The following RELN variants were observed in gnomAD, a reference collection of about 807,000 sequenced individuals.
RELN encodes the protein reelin.
RELN carries 108 observed loss-of-function variants against 427.6 expected under a neutral mutation model. That is an observed-to-expected ratio of 0.25 (90% CI 0.22 to 0.30). The LOEUF (loss-of-function observed/expected upper bound fraction) is 0.30. RELN is among the 10% of genes least tolerant of loss of function. The pLI is 1.00. For missense variants in RELN, 3,715 were observed against 4,302.8 expected, an observed-to-expected ratio of 0.86 and a Z score of 3.82; for synonymous variants, 1,524 against 1,513.4, an observed-to-expected ratio of 1.01 and a Z score of -0.16.
intron 11 of RELN, among the ~76,000 whole-genome samples, chr7:103,664,987 G>A (rs1197776573): frequency 1.3e-5 from 2 of 151,862 alleles, no homozygotes; most frequent in Non-Finnish European, 2.9e-5. Context: ...TCTATGCTTT[G>A]TGCCTTTTTT....
In RELN at chr7:103,654,337, G is replaced by A. The variant is rs187155445; in HGVS notation, c.1442-132C>T. 1.6e-4 allele frequency: 109 copies of A among 661,364 alleles called. No individual in the cohort carries two copies. The African/African-American group carries it at 1.7e-3, about 10-fold the overall frequency. 41.0% of individuals were successfully genotyped at this position (661,364 alleles called of 1,614,324 possible). A position where few individuals can be genotyped will look rare whatever the true frequency, so the allele number is the denominator to read the frequency against. ...CACTTAAGAATAACCCTAAACAAAG[G>A]TAAACAGACTCAAGGAAATAATTTA... On this transcript the variant is annotated intron_variant, in intron 12 of 64. Coordinates refer to ENST00000428762, the MANE Select transcript of RELN (RefSeq NM_005045.4).
chr7:103,845,271 A>G (rs62482261), intron 2 of RELN, among the ~76,000 whole-genome samples: 21,298 of 152,026 alleles, frequency 0.14, 1,821 homozygotes, highest in South Asian at 0.33. Context: ...GCTCACTGCA[A>G]CCTCTGCTTC....
Position 103,661,974 on chromosome 7 carries a change from A to T in RELN, c.1290-447T>A, listed in dbSNP as rs1833153748. Among the ~76,000 whole-genome samples the T allele has an allele frequency of 3.3e-5, 5 of 152,324 alleles. 1 individual carries two copies. The South Asian group carries it at 1.0e-3, about 32-fold the overall frequency. On this transcript the variant is annotated intron_variant, in intron 11 of 64. Transcript: ENST00000428762. ...AAATGAAAAGTCATAAGAATTGGCA[A>T]AAGTCTAGCAAGTTTTCAAAAAGGA...
chr7:103,827,802 A>G (rs1361877107), intron 3 of RELN, among the ~76,000 whole-genome samples: 1 of 151,998 alleles, frequency 6.6e-6, no homozygotes, highest in Non-Finnish European at 1.5e-5. Flanking sequence ...ACAGAAAACT[A>G]GACTGTCAGA....
intron 3 of RELN, among the ~76,000 whole-genome samples, chr7:103,794,053 C>T (rs775017818): frequency 1.5e-4 from 23 of 152,142 alleles, no homozygotes; most frequent in Admixed American, 1.2e-3. Flanking sequence ...AAGCATGAGC[C>T]ACAGTGCCTG....
chr7:103,526,484 C>T (rs1829825287), intron 46 of RELN, among the ~76,000 whole-genome samples: 1 of 152,108 alleles, frequency 6.6e-6, no homozygotes, highest in Non-Finnish European at 1.5e-5. Context: ...TTTAAGGCCC[C>T]TTCTTAGATG....
intron 8 of RELN, among the ~76,000 whole-genome samples, chr7:103,715,333 T>C (rs566455284): frequency 6.7e-6 from 1 of 149,414 alleles, no homozygotes; most frequent in African/African-American, 2.6e-5. Context: ...CTTGAAATAC[T>C]TTTTTTCATA....
Position 103,582,783 on chromosome 7 carries a change from G to A in RELN, c.4145+6813C>T, listed in dbSNP as rs748497961. ...TCCAAGAACTTTATGAATAAGACACGTCTATAGATTGTTAAGCTTTTACCA... is the reference window on the plus strand; with the variant it reads ...TCCAAGAACTTTATGAATAAGACACATCTATAGATTGTTAAGCTTTTACCA... On this transcript the variant is annotated intron_variant, in intron 28 of 64. Transcript: ENST00000428762. Among the ~76,000 whole-genome samples, 18 of 152,154 alleles carry A rather than the reference G, an allele frequency of 1.2e-4. No homozygotes were observed. The East Asian group carries it at 1.9e-3, about 16-fold the overall frequency.
chr7:103,735,858 T>G (rs982299053), intron 6 of RELN, among the ~76,000 whole-genome samples: 1 of 152,220 alleles, frequency 6.6e-6, no homozygotes, highest in South Asian at 2.1e-4. Flanking sequence ...AGAAGCAATC[T>G]GGCATTCTAT....
chr7:103,603,682 T>C lies in RELN; in HGVS notation c.3147-192A>G, dbSNP rs891553459. On this transcript the variant is annotated intron_variant, in intron 23 of 64. Coordinates refer to ENST00000428762, the MANE Select transcript of RELN (RefSeq NM_005045.4). The surrounding 1 kb of genome is among the most constrained non-coding windows in gnomAD (Gnocchi z 4.3). The stretch of plus-strand genomic sequence containing the variant: ...TTTTTCATACTCCCCTTAAAACTGA[T>C]AGAATCTTTTCTTAAAAGAAATAAT... Among the ~76,000 whole-genome samples, 7 of 152,214 alleles carry C rather than the reference T, an allele frequency of 4.6e-5. No homozygotes were observed. The highest frequency in any genetic ancestry group is 4.1e-4 in the South Asian group (2 of 4,832).
At chr7:103,675,529 A>C (rs186523796) in intron 11 of RELN, among the ~76,000 whole-genome samples, 1 of 152,328 alleles carries the variant, frequency 6.6e-6, no homozygotes, top group African/African-American at 2.4e-5. Flanking sequence ...CAGAATTGGA[A>C]AAAACTACTT....
chr7:103,790,510 T>A (rs1250839533), intron 3 of RELN, among the ~76,000 whole-genome samples: 1 of 152,160 alleles, frequency 6.6e-6, no homozygotes, highest in Non-Finnish European at 1.5e-5. Flanking sequence ...AAGCACTTAA[T>A]GCTTTTGTTA....
At chr7:103,757,430 C>T (rs1223360808) in intron 4 of RELN, among the ~76,000 whole-genome samples, 2 of 152,124 alleles carry the variant, frequency 1.3e-5, no homozygotes, top group Non-Finnish European at 1.5e-5. Context: ...CTCCCAGGAT[C>T]CTAGAATGCC....
intron 3 of RELN, among the ~76,000 whole-genome samples, chr7:103,803,090 G>A (rs1218761663): frequency 6.6e-6 from 1 of 152,136 alleles, no homozygotes; most frequent in Non-Finnish European, 1.5e-5. Context: ...GAAAGCCACA[G>A]TGTTGAGTCT....
intron 1 of RELN, among the ~76,000 whole-genome samples, chr7:103,951,353 T>C (rs1311993960): frequency 6.6e-6 from 1 of 152,204 alleles, no homozygotes; most frequent in Non-Finnish European, 1.5e-5. Flanking sequence ...AGAGATACGA[T>C]ATTTTGGAAG....
At chr7:103,798,921 C>T (rs1292194711) in intron 3 of RELN, among the ~76,000 whole-genome samples, 2 of 152,206 alleles carry the variant, frequency 1.3e-5, no homozygotes, top group Non-Finnish European at 2.9e-5. Context: ...CACTGGGCTC[C>T]AACCAAGGGA....
rs750702751 is a variant in RELN at position 103,630,185 on chromosome 7, A to G, written c.2466-9T>C. On this transcript the variant is annotated splice_polypyrimidine_tract_variant and intron_variant, in intron 19 of 64. Transcript: ENST00000428762. ...GTTCTACGGAGATTATTCTAGAGAA[A>G]AAAAAAAAGTCAAAATTTAGATTAT... The G allele has an allele frequency of 6.3e-7, 1 of 1,576,752 alleles. No homozygotes were observed. The highest frequency in any genetic ancestry group is 1.1e-5 in the South Asian group (1 of 90,084).
chr7:103,515,091 T>C (rs1171393817), intron 50 of RELN, 94 bp downstream of exon 50: 4 of 1,505,340 alleles, frequency 2.7e-6, no homozygotes, highest in Non-Finnish European at 3.7e-6. Context: ...CTGGAACATC[T>C]GAAAAGGTTC....
chr7:103,897,956 C>T (rs903690623), intron 2 of RELN, among the ~76,000 whole-genome samples: 6 of 152,082 alleles, frequency 3.9e-5, no homozygotes, highest in African/African-American at 1.4e-4. Context: ...GGATTGATCG[C>T]TTTTTAACAA....
Sources: allele counts gnomAD v4.1 joint callset (sites outside exome capture counted in the v4.1 genomes callset), GRCh38; gene constraint gnomAD v4.1.1; non-coding constraint Gnocchi (gnomAD v3.1); transcripts MANE v1.5; gene names NCBI Gene and HGNC (gene_info 2026-07-23, HGNC 2026-07-21).